COPS7B: variants seen among roughly 807,000 people sequenced by gnomAD.
The protein encoded by COPS7B is COP9 signalosome complex subunit 7b.
In COPS7B, 9 loss-of-function variants were observed where a neutral mutation model predicts 33.4. The observed-to-expected ratio is 0.27, with a 90% CI of 0.16 to 0.47. COPS7B has a LOEUF of 0.47. COPS7B is among the 20% of genes least tolerant of loss of function. The probability of loss-of-function intolerance (pLI) is 0.99; values close to 1 mark genes in which losing one functional copy is unlikely to be tolerated. For missense variants in COPS7B, 242 were observed against 318.2 expected (o/e 0.76, Z 1.82); for synonymous variants, 119 against 126.3 (o/e 0.94, Z 0.39).
intron 1 of COPS7B, among the ~76,000 whole-genome samples, chr2:231,787,092 C>T (rs897679258): frequency 6.6e-6 from 1 of 152,088 alleles, no homozygotes; most frequent in African/African-American, 2.4e-5. Flanking sequence ...CGCTCCTTCC[C>T]TCTTTACCGT....
At chr2:231,806,814 T>C (rs916795042) in intron 6 of COPS7B, among the ~76,000 whole-genome samples, 1 of 152,218 alleles carries the variant, frequency 6.6e-6, no homozygotes, top group Non-Finnish European at 1.5e-5. Flanking sequence ...CATAAAGGGC[T>C]GTTCAGAGTA....
chr2:231,801,381 G>A (rs530115847), intron 6 of COPS7B: 128 of 815,364 alleles, frequency 1.6e-4, no homozygotes, highest in Non-Finnish European at 1.9e-4. Context: ...AAGCACTGTG[G>A]TGGGGAGGTA....
intron 6 of COPS7B, 29 bp downstream of exon 6, chr2:231,798,993 C>G (rs1430046566): frequency 1.3e-6 from 2 of 1,570,114 alleles, no homozygotes; most frequent in Admixed American, 1.7e-5. Flanking sequence ...ATTTGTTTCT[C>G]TCTCCAGGCA....
chr2:231,807,722 C>G lies in COPS7B; in HGVS notation c.*77C>G. On this transcript the variant is annotated 3_prime_UTR_variant, in exon 7 of 7. Transcript: ENST00000350033. Reference sequence around the variant, plus strand: ...ACACCAAGGGCCCATTTCCTCCCCTCTCTACCTGCAGTGAGTTCCAGACCT... The same window carrying G: ...ACACCAAGGGCCCATTTCCTCCCCTGTCTACCTGCAGTGAGTTCCAGACCT... 1 of 1,359,202 alleles carries G rather than the reference C, an allele frequency of 7.4e-7. No homozygotes were observed. Among genetic ancestry groups the G allele is most frequent in the Non-Finnish European group, 9.9e-7 (1 of 1,008,268 alleles). The allele number at this position is 1,359,202 out of a possible 1,614,324, so 84.2% of individuals were successfully genotyped here. A position where few individuals can be genotyped will look rare whatever the true frequency, so the allele number is the denominator to read the frequency against.
At chr2:231,798,429 G>T (rs2049642575) in intron 5 of COPS7B, among the ~76,000 whole-genome samples, 1 of 151,662 alleles carries the variant, frequency 6.6e-6, no homozygotes, top group African/African-American at 2.4e-5. Flanking sequence ...GCTAATTTTT[G>T]TATTTTTAGT....
At chr2:231,803,665 G>T (rs1172462320) in intron 6 of COPS7B, among the ~76,000 whole-genome samples, 1 of 152,122 alleles carries the variant, frequency 6.6e-6, no homozygotes, top group East Asian at 1.9e-4. Flanking sequence ...AAATAGAATT[G>T]AGTCACCATG....
At chr2:231,801,939 T>G (rs1164754207) in intron 6 of COPS7B, among the ~76,000 whole-genome samples, 1 of 152,124 alleles carries the variant, frequency 6.6e-6, no homozygotes, top group African/African-American at 2.4e-5. Flanking sequence ...CACGCCCAGC[T>G]AATTTTTGTA....
At chr2:231,804,952 T>C (rs1222062587) in intron 6 of COPS7B, among the ~76,000 whole-genome samples, 3 of 152,208 alleles carry the variant, frequency 2.0e-5, no homozygotes, top group East Asian at 1.9e-4. Context: ...TTAGAAAATA[T>C]ATCAAATTGG....
At chr2:231,797,191 C>T (rs1462065323) in intron 5 of COPS7B, among the ~76,000 whole-genome samples, 1 of 152,168 alleles carries the variant, frequency 6.6e-6, no homozygotes, top group Non-Finnish European at 1.5e-5. Flanking sequence ...AATCTCTGCT[C>T]ATCCCCGAGA....
intron 6 of COPS7B, among the ~76,000 whole-genome samples, chr2:231,802,893 C>T (rs2049787620): frequency 6.6e-6 from 1 of 152,258 alleles, no homozygotes; most frequent in South Asian, 2.1e-4. Flanking sequence ...CAAAGTGTCT[C>T]TGTAATGGAT....
chr2:231,787,585 AC>A lies in COPS7B; in HGVS notation c.-16-969del, dbSNP rs1439517970. Among the ~76,000 whole-genome samples, 12 of 146,934 alleles carry A rather than the reference AC, an allele frequency of 8.2e-5. No homozygotes were observed. In the East Asian group the frequency reaches 2.4e-3, roughly 29 times the overall value. On this transcript the variant is annotated intron_variant, in intron 1 of 6. Coordinates refer to ENST00000350033, the MANE Select transcript of COPS7B (RefSeq NM_022730.4). ...GTTTTCTTGAGGTTTTTTTTTTTTT[AC>A]ACATTCTGAAGTCACGTTTGGTTAA... is the stretch of plus-strand genomic sequence containing the variant.
chr2:231,798,405 C>T (rs566050491), intron 5 of COPS7B, among the ~76,000 whole-genome samples: 8 of 151,636 alleles, frequency 5.3e-5, no homozygotes, highest in South Asian at 2.1e-4. Flanking sequence ...TACAGGCACC[C>T]GCCACCACAC....
At chr2:231,799,947 C>T (rs892953893) in intron 6 of COPS7B, among the ~76,000 whole-genome samples, 1 of 152,156 alleles carries the variant, frequency 6.6e-6, no homozygotes, top group Non-Finnish European at 1.5e-5. Context: ...TTGTCTCATG[C>T]CTAACCCATA....
chr2:231,805,698 A>AG (rs2049875455), intron 6 of COPS7B, among the ~76,000 whole-genome samples: 1 of 151,910 alleles, frequency 6.6e-6, no homozygotes, highest in Non-Finnish European at 1.5e-5. Context: ...GCTGGAGTGC[A>AG]GTGGTGCAGA....
chr2:231,796,711 T>G (rs1287122443), intron 5 of COPS7B, among the ~76,000 whole-genome samples: 1 of 152,234 alleles, frequency 6.6e-6, no homozygotes, highest in Non-Finnish European at 1.5e-5. Context: ...TATTATTTTT[T>G]CTATCCCTGT....
At chr2:231,791,662 G>C in intron 2 of COPS7B, 71 bp from the exon 3 acceptor site, 1 of 1,307,706 alleles carries the variant, frequency 7.6e-7, no homozygotes, top group Admixed American at 1.7e-5. Context: ...ATGCTCACCC[G>C]TCCTCTGTTT....
chr2:231,807,240 T>G (rs3817531), intron 6 of COPS7B, among the ~76,000 whole-genome samples: 27,599 of 152,216 alleles, frequency 0.18, 2,846 homozygotes, highest in Non-Finnish European at 0.23. Flanking sequence ...GATGTGCCTC[T>G]TTGCCAAATG....
intron 6 of COPS7B, among the ~76,000 whole-genome samples, chr2:231,805,014 T>G: frequency 6.6e-6 from 1 of 152,152 alleles, no homozygotes; most frequent in East Asian, 1.9e-4. Flanking sequence ...GAAGTCAAAT[T>G]TCTTAATTTT....
At chr2:231,797,134 T>C (rs1395668697) in intron 5 of COPS7B, among the ~76,000 whole-genome samples, 2 of 152,136 alleles carry the variant, frequency 1.3e-5, no homozygotes, top group Admixed American at 6.5e-5. Context: ...TTGGAAGCCA[T>C]GAAGCAGACC....
Sources: gnomAD v4.1 joint callset for allele counts (sites outside exome capture counted in the v4.1 genomes callset) on GRCh38, gnomAD v4.1.1 for gene constraint, MANE v1.5 for transcripts, NCBI Gene and HGNC (gene_info 2026-07-23, HGNC 2026-07-21) for gene names.